RBFOX3: variants seen among roughly 807,000 people sequenced by gnomAD.
RBFOX3 encodes RNA binding protein fox-1 homolog 3.
Under a neutral mutation model 48.7 loss-of-function variants are expected in RBFOX3, and 17 were observed. The observed-to-expected ratio is 0.35, with a 90% CI of 0.24 to 0.52. RBFOX3 has a LOEUF of 0.52. Among genes scored for constraint, RBFOX3 ranks in the 20% least tolerant of loss-of-function variants. The pLI is 0.94. For synonymous variants in RBFOX3, 212 were observed against 209.5 expected, an observed-to-expected ratio of 1.01 and a Z score of -0.10; for missense variants, 382 against 497.5, an observed-to-expected ratio of 0.77 and a Z score of 2.21.
intron 1 of RBFOX3, among the ~76,000 whole-genome samples, chr17:79,563,151 A>C (rs2092316204): frequency 6.6e-6 from 1 of 152,184 alleles, no homozygotes; most frequent in Non-Finnish European, 1.5e-5. Context: ...AGCCAACAGG[A>C]TCAATAGCCC....
At chr17:79,564,416 T>C (rs1233999386) in intron 1 of RBFOX3, among the ~76,000 whole-genome samples, 1 of 152,210 alleles carries the variant, frequency 6.6e-6, no homozygotes, top group Admixed American at 6.5e-5. Flanking sequence ...CATCTAGGGA[T>C]AATGGCCGAG....
intron 2 of RBFOX3, among the ~76,000 whole-genome samples, chr17:79,381,940 A>G (rs1450934617): frequency 6.6e-6 from 1 of 152,208 alleles, no homozygotes; most frequent in Non-Finnish European, 1.5e-5. Flanking sequence ...TGTCACCATC[A>G]TCACAAAACA....
intron 2 of RBFOX3, among the ~76,000 whole-genome samples, chr17:79,453,624 G>A (rs1402215445): frequency 6.6e-6 from 1 of 152,172 alleles, no homozygotes; most frequent in South Asian, 2.1e-4. Context: ...AAGAGTGGGT[G>A]CGGAGATGTG....
At chr17:79,284,854 T>C (rs1567976109) in intron 3 of RBFOX3, among the ~76,000 whole-genome samples, 1 of 152,178 alleles carries the variant, frequency 6.6e-6, no homozygotes, top group Non-Finnish European at 1.5e-5. Context: ...TTCTCTTTTA[T>C]GACTGCCCTG....
chr17:79,426,122 G>A (rs2067331872), intron 2 of RBFOX3, among the ~76,000 whole-genome samples: 1 of 152,122 alleles, frequency 6.6e-6, no homozygotes, highest in Non-Finnish European at 1.5e-5. Flanking sequence ...CAGGGGGCAT[G>A]GGTGCTGGTG....
At chr17:79,585,481 C>T (rs959726799) in intron 1 of RBFOX3, among the ~76,000 whole-genome samples, 13,397 of 152,046 alleles carry the variant, frequency 0.088, 1,010 homozygotes, top group African/African-American at 0.18. Flanking sequence ...CGCTTGAACC[C>T]GGGAGGCAGA....
At chr17:79,542,869 G>A (rs78478461) in intron 1 of RBFOX3, among the ~76,000 whole-genome samples, 3,008 of 152,120 alleles carry the variant, frequency 0.02, 106 homozygotes, top group African/African-American at 0.07. Context: ...AAATATTTTT[G>A]GGTCAATATG....
the RBFOX3 span, among the ~76,000 whole-genome samples, chr17:79,659,017 C>T: frequency 6.6e-6 from 1 of 152,152 alleles, no homozygotes; most frequent in Non-Finnish European, 1.5e-5. Flanking sequence ...CCGGGCAGCT[C>T]TTCTTGGCAA....
chr17:79,380,992 T>G (rs2059839277), intron 2 of RBFOX3, among the ~76,000 whole-genome samples: 1 of 152,212 alleles, frequency 6.6e-6, no homozygotes. Flanking sequence ...CCAGGTGCAG[T>G]GGCTCATGCC....
chr17:79,547,686 A>G (rs961621260), intron 1 of RBFOX3, among the ~76,000 whole-genome samples: 4 of 152,164 alleles, frequency 2.6e-5, no homozygotes, highest in Non-Finnish European at 5.9e-5. Flanking sequence ...CATGTACCAC[A>G]CCCAGTCCAG....
intron 3 of RBFOX3, among the ~76,000 whole-genome samples, chr17:79,305,423 G>T (rs1167909400): frequency 6.6e-6 from 1 of 152,186 alleles, no homozygotes; most frequent in Non-Finnish European, 1.5e-5. Flanking sequence ...TCAAGACGAC[G>T]CACAGCTGTC....
chr17:79,250,290 G>A (rs762991669), intron 3 of RBFOX3, among the ~76,000 whole-genome samples: 17 of 152,330 alleles, frequency 1.1e-4, no homozygotes, highest in Non-Finnish European at 2.1e-4. Flanking sequence ...TTTGCAGATT[G>A]TGCCTGTATC....
At chr17:79,492,175 C>T (rs2080776488) in intron 1 of RBFOX3, among the ~76,000 whole-genome samples, 1 of 152,146 alleles carries the variant, frequency 6.6e-6, no homozygotes, top group Admixed American at 6.6e-5. Flanking sequence ...CCTGGAATGT[C>T]GGGGAGGAGG....
chr17:79,639,850 A>G, the RBFOX3 span, among the ~76,000 whole-genome samples: 5,035 of 152,292 alleles, frequency 0.033, 254 homozygotes, highest in African/African-American at 0.11. Context: ...AACACAGTAA[A>G]AGCCCATAAC....
chr17:79,168,821 G>A (rs976463187), intron 4 of RBFOX3, among the ~76,000 whole-genome samples: 12 of 151,652 alleles, frequency 7.9e-5, no homozygotes, highest in Admixed American at 1.3e-4. Flanking sequence ...CTGTCTTCCC[G>A]CTGGGCTTAC....
At chr17:79,302,276 G>A (rs757901160) in intron 3 of RBFOX3, among the ~76,000 whole-genome samples, 2 of 152,146 alleles carry the variant, frequency 1.3e-5, no homozygotes, top group Non-Finnish European at 1.5e-5. Flanking sequence ...CCATTTCATG[G>A]ATAAGAAACC....
intron 1 of RBFOX3, among the ~76,000 whole-genome samples, chr17:79,496,542 G>C (rs1264775210): frequency 6.6e-6 from 1 of 152,192 alleles, no homozygotes; most frequent in African/African-American, 2.4e-5. Flanking sequence ...TCTTGCTGTG[G>C]GGGAATTCTA....
intron 2 of RBFOX3, among the ~76,000 whole-genome samples, chr17:79,433,735 C>A (rs974434722): frequency 1.3e-5 from 2 of 151,800 alleles, no homozygotes; most frequent in South Asian, 2.1e-4. Context: ...GAGCAAGGTG[C>A]GGTTGCTTCT....
At chr17:79,377,083 C>G (rs904059553) in intron 2 of RBFOX3, among the ~76,000 whole-genome samples, 4 of 152,156 alleles carry the variant, frequency 2.6e-5, no homozygotes, top group African/African-American at 4.8e-5. Context: ...GACCAAAATA[C>G]AAAATATCCC....
Sources: allele counts gnomAD v4.1 joint callset (sites outside exome capture counted in the v4.1 genomes callset), GRCh38; gene constraint gnomAD v4.1.1; transcripts MANE v1.5; gene names NCBI Gene and HGNC (gene_info 2026-07-23, HGNC 2026-07-21).